Variants in PCNX3 observed in about 807,000 individuals in gnomAD.
PCNX3 encodes the protein pecanex-like protein 3.
PCNX3 carries 58 observed loss-of-function variants against 207.2 expected under a neutral mutation model. The ratio of observed to expected loss-of-function variants is 0.28; its 90% CI spans 0.23 to 0.35. The LOEUF is 0.35. Ranked by LOEUF, PCNX3 falls within the 10% of genes least tolerant of loss-of-function variation. The pLI, the probability that PCNX3 is intolerant of heterozygous loss-of-function variation, is 1.00. For missense variants in PCNX3, 2,410 were observed against 2,774.4 expected (o/e 0.87, Z 2.95); for synonymous variants, 1,337 against 1,183.5 (o/e 1.13, Z -2.66).
chr11:65,625,980 G>T lies in PCNX3; in HGVS notation c.3305G>T (p.Arg1102Leu). 2 of 1,613,732 alleles carry T rather than the reference G, an allele frequency of 1.2e-6. No homozygotes were observed. The highest frequency in any genetic ancestry group is 1.7e-6 in the Non-Finnish European group (2 of 1,179,838). The change falls in exon 20 of 35, where the codon CGC becomes CTC. Residue 1102 changes from arginine (R) to leucine (L), a missense_variant. By Grantham distance (102) the Arg-to-Leu change is moderately radical. Transcript: ENST00000355703. This position sits in a 1 kb window ranked among gnomAD's most constrained non-coding sequence, Gnocchi z 5.6. ...ACACATTACCTGCTGCCACAACTCC[G>T]CAAACAGCTGCCCTGGTTCTGCCTG... ...FFTHYLLPQL[R>L]KQLPWFCLSQ... is the part of the protein sequence containing the mutation.
intron 25 of PCNX3, 45 bp downstream of exon 25, chr11:65,629,460 G>A (rs1300319680): frequency 6.2e-7 from 1 of 1,610,526 alleles, no homozygotes; most frequent in South Asian, 1.1e-5. Context: ...GGGCCTCCCT[G>A]GGGAGGGAGC....
chr11:65,626,208 G>A lies in PCNX3; in HGVS notation c.3379+154G>A, dbSNP rs570997931. 5.0e-5 allele frequency: 56 copies of A among 1,118,536 alleles called. No individual in the cohort carries two copies. The South Asian group carries it at 7.1e-4, about 14-fold the overall frequency. The allele number at this position is 1,118,536 out of a possible 1,614,324, so 69.3% of individuals were successfully genotyped here. On this transcript the variant is annotated intron_variant, in intron 20 of 34. Transcript: ENST00000355703. ...CTCCCTCCCTGCCCTCTGTGTCCGT[G>A]TTGCCCGGCTGCGCTCTCCACCGAC... is the stretch of plus-strand genomic sequence containing the variant.
rs750891233 is a variant in PCNX3 at position 65,626,992 on chromosome 11, C to G, written c.3468C>G (p.Asn1156Lys). 6.4e-7 allele frequency: 1 copy of G among 1,554,190 alleles called. No homozygotes were observed. Among genetic ancestry groups the G allele is most frequent in the Admixed American group, 2.0e-5 (1 of 50,926 alleles). The change falls in exon 21 of 35, where the codon AAC becomes AAG. Residue 1156 changes from asparagine to lysine, a missense_variant. Around this residue, in one of 8 missense-constraint regions of PCNX3, gnomAD observed 333 missense variants for 386.8 expected, o/e 0.86. Transcript: ENST00000355703. ...TCATCTACCCCGCCGTGGTGCTCAACGCCCTCACGGTGGACGCCCACACAG... is the reference window on the plus strand; with the variant it reads ...TCATCTACCCCGCCGTGGTGCTCAAGGCCCTCACGGTGGACGCCCACACAG... The part of the protein sequence containing the change: ...KYLIYPAVVL[N>K]ALTVDAHTVV...
chr11:65,624,300 G>C lies in PCNX3; in HGVS notation c.2650G>C (p.Val884Leu). ...GGGCTCAGCTCAGCCCTTCCCACCT[G>C]TCTCCCTCTACGGCCTCACGCTCTT... is the stretch of plus-strand genomic sequence containing the variant. ...ALGSAQPFPP[V>L]SLYGLTLFSA... The change falls in exon 14 of 35, where the codon GTC becomes CTC. Residue 884 changes from valine to leucine, a missense_variant. This residue lies in a region of PCNX3 where 177 missense variants were observed against 257.5 expected (regional missense o/e 0.69). Coordinates refer to ENST00000355703, the MANE Select transcript of PCNX3 (RefSeq NM_032223.4). 1 of 1,583,144 alleles carries C rather than the reference G, an allele frequency of 6.3e-7. No individual in the cohort carries two copies.
chr11:65,619,868 G>C lies in PCNX3; in HGVS notation c.1944G>C (p.Val648=). 6.2e-7 allele frequency: 1 copy of C among 1,611,338 alleles called. No homozygotes were observed. The highest frequency in any genetic ancestry group is 1.7e-5 in the Admixed American group (1 of 59,952). Residue 648 remains valine (V), a synonymous_variant, in exon 8 of 35, where the codon GTG becomes GTC. Transcript: ENST00000355703. ...SLLLTRAGAN[V]HEACTFDDTS... is the part of the protein sequence containing the mutation. ...TGCTCACCCGGGCCGGTGCCAATGTGCATGAGGCCTGCACCTTTGATGACA... is the reference window on the plus strand; with the variant it reads ...TGCTCACCCGGGCCGGTGCCAATGTCCATGAGGCCTGCACCTTTGATGACA...
intron 32 of PCNX3, 137 bp from the exon 33 acceptor site, chr11:65,636,037 T>TG: frequency 7.4e-7 from 1 of 1,358,574 alleles, no homozygotes; most frequent in East Asian, 2.5e-5. Flanking sequence ...GCAAAGTAGG[T>TG]GGCAGCTTCT....
rs1413619349 is a variant in PCNX3 at position 65,619,747 on chromosome 11, T to C, written c.1830-7T>C. 6.4e-7 allele frequency: 1 copy of C among 1,564,036 alleles called. No individual in the cohort carries two copies. On this transcript the variant is annotated splice_polypyrimidine_tract_variant and splice_region_variant and intron_variant, in intron 7 of 34. Transcript: ENST00000355703. ...GCTGGCGCTGACCTGGGGCTGACCC[T>C]CTCCAGCAGCCTGCAGGAAGCTCAG...
At chr11:65,626,594 C>T (rs373596003) in intron 20 of PCNX3, 57 of 464,222 alleles carry the variant, frequency 1.2e-4, no homozygotes, top group Non-Finnish European at 1.6e-4. Context: ...GCCCAGCTCA[C>T]GGGCTCACTG....
At chr11:65,627,268 G>T (rs1855441226) in intron 21 of PCNX3, 137 bp from the exon 22 acceptor site, 2 of 1,170,006 alleles carry the variant, frequency 1.7e-6, no homozygotes, top group South Asian at 1.6e-5. Context: ...AGAGTCACGG[G>T]CCCAAAAGAG....
chr11:65,619,152 G>A, intron 6 of PCNX3, 85 bp downstream of exon 6: 2 of 1,112,402 alleles, frequency 1.8e-6, no homozygotes, highest in Non-Finnish European at 2.6e-6. Context: ...AATGGACCTG[G>A]TCAGTGTCAG....
In PCNX3 at chr11:65,618,023, G is replaced by T. The variant is rs1053648647; in HGVS notation, c.661G>T (p.Ala221Ser). Residue 221 changes from alanine to serine, a missense_variant, in exon 6 of 35, where the codon GCT becomes TCT. Ala to Ser is a moderately conservative substitution (Grantham distance 99). Transcript: ENST00000355703. Reference sequence around the variant, plus strand: ...AGACTCTTCAGAGCCTTCTCCCCTGGCTGGAGATGGAGCGCCCTGGAGTGG... The same window carrying T: ...AGACTCTTCAGAGCCTTCTCCCCTGTCTGGAGATGGAGCGCCCTGGAGTGG... ...STDSSEPSPLAGDGAPWSGSS... is the reference protein window; with the variant it reads ...STDSSEPSPLSGDGAPWSGSS... The T allele has an allele frequency of 6.2e-7, 1 of 1,609,116 alleles. No homozygotes were observed. Among genetic ancestry groups the T allele is most frequent in the Non-Finnish European group, 8.5e-7 (1 of 1,178,184 alleles).
At chr11:65,634,510 C>T in intron 28 of PCNX3, 28 bp from the exon 29 acceptor site, 1 of 1,561,162 alleles carries the variant, frequency 6.4e-7, no homozygotes. Flanking sequence ...CTGAGCTGGG[C>T]TCTGGGATGG....
At position 65,635,861 on chromosome 11, in the gene PCNX3, C is replaced by T; in HGVS notation, c.5459+58C>T. 7 of 1,536,408 alleles carry T rather than the reference C, an allele frequency of 4.6e-6. No individual in the cohort carries two copies. The highest frequency in any genetic ancestry group is 2.3e-5 in the East Asian group (1 of 43,154). ...GGGAGGAAGCTGAGGTGCAGTACGTCCCTCCTGGGTCTCAGAGGGAGGACG... is the reference window on the plus strand; with the variant it reads ...GGGAGGAAGCTGAGGTGCAGTACGTTCCTCCTGGGTCTCAGAGGGAGGACG... On this transcript the variant is annotated intron_variant, in intron 32 of 34. Transcript: ENST00000355703. The surrounding 1 kb of genome is among the most constrained non-coding windows in gnomAD (Gnocchi z 9.9).
At chr11:65,621,105 C>T (rs1017166865) in intron 10 of PCNX3, 139 bp downstream of exon 10, 12 of 1,154,868 alleles carry the variant, frequency 1.0e-5, no homozygotes, top group African/African-American at 9.4e-5. Context: ...AGGGGCCCTA[C>T]TGTGTCTGTC....
intron 27 of PCNX3, among the ~76,000 whole-genome samples, chr11:65,633,346 G>A (rs1441206609): frequency 3.9e-5 from 6 of 152,224 alleles, no homozygotes; most frequent in African/African-American, 9.6e-5. Context: ...ACATGTGCCC[G>A]TGGCTTTTTT....
intron 27 of PCNX3, 73 bp from the exon 28 acceptor site, chr11:65,634,053 C>G (rs1378458751): frequency 2.4e-5 from 33 of 1,372,972 alleles, no homozygotes; most frequent in Non-Finnish European, 3.2e-5. Context: ...GGAGGAGCCT[C>G]TGAACCTCCA....
rs1337985670 is a variant in PCNX3 at position 65,625,317 on chromosome 11, A to G, written c.3029+37A>G. The G allele has an allele frequency of 1.3e-6, 2 of 1,594,270 alleles. No homozygotes were observed. Among genetic ancestry groups the G allele is most frequent in the East Asian group, 2.2e-5 (1 of 44,748 alleles). On this transcript the variant is annotated intron_variant, in intron 17 of 34. Transcript: ENST00000355703. The surrounding 1 kb of genome is among the most constrained non-coding windows in gnomAD (Gnocchi z 5.6). ...CCGGGTCGTGTGTTTGTGTCTGCCC[A>G]GTAGGGGTTTGTGGTCTGTGCATGT...
chr11:65,617,670 C>T lies in PCNX3; in HGVS notation c.541C>T (p.Arg181Ter), dbSNP rs375117188. 3 of 1,584,418 alleles carry T rather than the reference C, an allele frequency of 1.9e-6. No individual in the cohort carries two copies. Among genetic ancestry groups the T allele is most frequent in the Non-Finnish European group, 2.6e-6 (3 of 1,165,266 alleles). ...CAATGTGATCGTGACTTCTGCCGACCGAGAGATGCTGAAGCTCAGCTCGCA... is the reference window on the plus strand; with the variant it reads ...CAATGTGATCGTGACTTCTGCCGACTGAGAGATGCTGAAGCTCAGCTCGCA... ...SNNVIVTSAD[R>*]EMLKLSSQEK... The change falls in exon 5 of 35, where the codon CGA becomes TGA. Residue 181 changes from arginine to a stop codon, truncating the protein, a stop_gained. Coordinates refer to ENST00000355703, the MANE Select transcript of PCNX3 (RefSeq NM_032223.4). LOFTEE classifies it high-confidence loss of function.
rs201611445 is a variant in PCNX3 at position 65,618,795 on chromosome 11, C to G, written c.1433C>G (p.Thr478Ser). 30 of 1,611,460 alleles carry G rather than the reference C, an allele frequency of 1.9e-5. No homozygotes were observed. The highest frequency in any genetic ancestry group is 2.5e-5 in the Non-Finnish European group (30 of 1,179,358). ...RRAPHGAEEG[T>S]AVPPKRPYGT... The stretch of plus-strand genomic sequence containing the variant: ...GCCCCCCATGGGGCTGAGGAGGGAA[C>G]TGCTGTGCCCCCCAAGCGGCCATAT... The change falls in exon 6 of 35, where the codon ACT becomes AGT. Residue 478 changes from threonine to serine, a missense_variant. This residue lies in a region of PCNX3 where 1,104 missense variants were observed against 970.3 expected (regional missense o/e 1.14). Transcript: ENST00000355703.
Sources: gnomAD v4.1 joint callset for allele counts (sites outside exome capture counted in the v4.1 genomes callset) on GRCh38, gnomAD v4.1.1 for gene constraint, gnomAD v4.1.1 regional missense constraint, Gnocchi (gnomAD v3.1) non-coding constraint, MANE v1.5 for transcripts, NCBI Gene and HGNC (gene_info 2026-07-23, HGNC 2026-07-21) for gene names.